MIS18BP1: variants seen among roughly 807,000 people sequenced by gnomAD.
MIS18BP1 encodes mis18-binding protein 1.
In MIS18BP1, 72 loss-of-function variants were observed where a neutral mutation model predicts 116.1. That is an observed-to-expected ratio of 0.62 (90% CI 0.51 to 0.75). MIS18BP1 has a LOEUF of 0.75. Ranked by LOEUF, MIS18BP1 falls within the 30% of genes least tolerant of loss-of-function variation. MIS18BP1 has a pLI of 0.00. For missense variants in MIS18BP1, 1,363 were observed against 1,303.2 expected (o/e 1.05, Z -0.71); for synonymous variants, 386 against 427.0 (o/e 0.90, Z 1.18).
rs1039660031 is a variant in MIS18BP1, at chr14:45,214,589, T to C, written c.3003+2430A>G. On this transcript the variant is annotated intron_variant, in intron 13 of 16. Coordinates refer to ENST00000310806, the MANE Select transcript of MIS18BP1 (RefSeq NM_018353.5). ...GAGTGCCGGTCCCCTGGGCCCACTT[T>C]TGTTTCTCTATACTTTGTCTCTGTG... Among the ~76,000 whole-genome samples, 5 of 152,128 alleles carry C rather than the reference T, an allele frequency of 3.3e-5. No individual in the cohort carries two copies. The East Asian group carries it at 5.8e-4, about 18-fold the overall frequency.
At chr14:45,252,445 C>G (rs1437958080) in intron 1 of MIS18BP1, among the ~76,000 whole-genome samples, 1 of 152,056 alleles carries the variant, frequency 6.6e-6, no homozygotes, top group Non-Finnish European at 1.5e-5. Context: ...TAGAGAAAAA[C>G]TCTGGAAGCG....
In MIS18BP1 at chr14:45,244,811, T is replaced by G. The variant is rs1891681246; in HGVS notation, c.544+1932A>C. Among the ~76,000 whole-genome samples, 8 of 152,340 alleles carry G rather than the reference T, an allele frequency of 5.3e-5. 1 individual carries two copies. In the South Asian group the frequency reaches 1.7e-3, roughly 32 times the overall value. ...TCAAATTATTTGTGAAGTCATAAAA[T>G]AATAATCCACCAACATCTGTGTAAA... On this transcript the variant is annotated intron_variant, in intron 2 of 16. Coordinates refer to ENST00000310806, the MANE Select transcript of MIS18BP1 (RefSeq NM_018353.5).
At chr14:45,210,579 T>C in intron 13 of MIS18BP1, 51 bp from the exon 14 acceptor site, 1 of 1,597,294 alleles carries the variant, frequency 6.3e-7, no homozygotes, top group South Asian at 1.1e-5. Flanking sequence ...AGGTATTTTC[T>C]CATTATCACA....
At position 45,219,723 on chromosome 14, in the gene MIS18BP1, T is replaced by A. The variant is rs112368358; in HGVS notation, c.2670-1269A>T. 7.3e-3 allele frequency among the ~76,000 whole-genome samples: 1,110 copies of A among 152,316 alleles called. 23 individuals are homozygous for A. The highest frequency in any genetic ancestry group is 0.025 in the African/African-American group (1,056 of 41,566). Reference sequence around the variant, plus strand: ...GAGCATTAAATACTTGTTAATGAATTCTTTTACATAATTAATCATTCCACA... The same window carrying A: ...GAGCATTAAATACTTGTTAATGAATACTTTTACATAATTAATCATTCCACA... On this transcript the variant is annotated intron_variant, in intron 11 of 16. Transcript: ENST00000310806.
intron 10 of MIS18BP1, among the ~76,000 whole-genome samples, chr14:45,226,310 G>T (rs1278745209): frequency 6.6e-6 from 1 of 152,132 alleles, no homozygotes; most frequent in Non-Finnish European, 1.5e-5. Flanking sequence ...AAAGCTAATG[G>T]ATTTAGCTCA....
chr14:45,207,123 T>G lies in MIS18BP1; in HGVS notation c.3153-953A>C, dbSNP rs1890539806. 3.3e-5 allele frequency among the ~76,000 whole-genome samples: 5 copies of G among 151,234 alleles called. No homozygotes were observed. The South Asian group carries it at 1.0e-3, about 31-fold the overall frequency. On this transcript the variant is annotated intron_variant, in intron 14 of 16. Coordinates refer to ENST00000310806, the MANE Select transcript of MIS18BP1 (RefSeq NM_018353.5). ...AGAGATTAAAAGCCAAGTAGAATTG[T>G]TGGTTGTTTTTAATTCCCTAAACCC...
intron 6 of MIS18BP1, among the ~76,000 whole-genome samples, chr14:45,234,845 G>C (rs1289184792): frequency 6.6e-6 from 1 of 152,216 alleles, no homozygotes; most frequent in African/African-American, 2.4e-5. Context: ...TCAACAAAGA[G>C]AGGAATCAGG....
At chr14:45,234,720 T>C (rs1451342591) in intron 6 of MIS18BP1, among the ~76,000 whole-genome samples, 1 of 152,194 alleles carries the variant, frequency 6.6e-6, no homozygotes, top group Non-Finnish European at 1.5e-5. Flanking sequence ...AACTTGTTGC[T>C]AGTAAACATA....
At chr14:45,233,426 A>G (rs1253427168) in intron 6 of MIS18BP1, among the ~76,000 whole-genome samples, 1 of 152,162 alleles carries the variant, frequency 6.6e-6, no homozygotes, top group Non-Finnish European at 1.5e-5. Flanking sequence ...GGACAAGATG[A>G]GAAGCTATGG....
intron 10 of MIS18BP1, 58 bp from the exon 11 acceptor site, chr14:45,224,804 A>G (rs1891082036): frequency 8.4e-7 from 1 of 1,189,566 alleles, no homozygotes; most frequent in South Asian, 1.5e-5. Flanking sequence ...ATAAACAAAT[A>G]TAAGCACAGA....
chr14:45,226,778 C>G lies in MIS18BP1; in HGVS notation c.1805G>C (p.Arg602Thr), dbSNP rs1891132865. 1 of 1,411,994 alleles carries G rather than the reference C, an allele frequency of 7.1e-7. No homozygotes were observed. The highest frequency in any genetic ancestry group is 9.4e-7 in the Non-Finnish European group (1 of 1,061,218). The allele number at this position is 1,411,994 out of a possible 1,614,324, so 87.5% of individuals were successfully genotyped here. ...ACTTTTTATTATCCTTTCATTTGTT[C>G]TTTCACCAATTTTTAGTTTCTTTGA... ...MSSKKLKIGE[R>T]TNERIIKSQK... Residue 602 changes from arginine to threonine, a missense_variant, in exon 10 of 17, where the codon AGA becomes ACA. By Grantham distance (71) the Arg-to-Thr change is moderately conservative (BLOSUM62 -1). Transcript: ENST00000310806.
At chr14:45,231,002 A>G in intron 8 of MIS18BP1, 139 bp downstream of exon 8, 1 of 745,610 alleles carries the variant, frequency 1.3e-6, no homozygotes, top group Non-Finnish European at 2.0e-6. Flanking sequence ...GTAGTGAAGA[A>G]GCAGGAATGT....
chr14:45,231,551 CTACT>C (rs531159650), intron 7 of MIS18BP1: 3 of 300,294 alleles, frequency 1.0e-5, no homozygotes, highest in South Asian at 1.1e-4. Flanking sequence ...CTTATAATTC[CTACT>C]TAAACTGATA....
rs753619384 is a variant in MIS18BP1 at position 45,204,460 on chromosome 14, A to AAGAGTTACT, written c.3241-16_3241-8dup. On this transcript the variant is annotated splice_polypyrimidine_tract_variant and splice_region_variant and intron_variant, in intron 15 of 16. Transcript: ENST00000310806. ...TTGAGAAATCAGTTTCAACCTATAA[A>AAGAGTTACT]AGAGTTACTATTAATAGCTAAATGG... The AAGAGTTACT allele has an allele frequency of 1.9e-6, 3 of 1,587,302 alleles. No homozygotes were observed. The South Asian group carries it at 3.5e-5, about 18-fold the overall frequency.
chr14:45,221,760 G>A (rs186496774), intron 11 of MIS18BP1, among the ~76,000 whole-genome samples: 1 of 152,186 alleles, frequency 6.6e-6, no homozygotes, highest in Non-Finnish European at 1.5e-5. Context: ...TCATACGAAT[G>A]ACTGATGGTG....
At chr14:45,239,752 G>A (rs1036966903) in intron 4 of MIS18BP1, among the ~76,000 whole-genome samples, 5 of 152,162 alleles carry the variant, frequency 3.3e-5, no homozygotes, top group Non-Finnish European at 5.9e-5. Flanking sequence ...CTGGAAGCAG[G>A]GAGACCACTA....
chr14:45,207,792 G>A (rs897241104), intron 14 of MIS18BP1, among the ~76,000 whole-genome samples: 13 of 152,300 alleles, frequency 8.5e-5, no homozygotes, highest in African/African-American at 2.6e-4. Flanking sequence ...GTTATGAAAA[G>A]TACGTCAATT....
At chr14:45,220,398 A>T (rs1890940502) in intron 11 of MIS18BP1, among the ~76,000 whole-genome samples, 1 of 152,276 alleles carries the variant, frequency 6.6e-6, no homozygotes, top group African/African-American at 2.4e-5. Flanking sequence ...CCCAAGACTC[A>T]TATCAAAATG....
chr14:45,220,497 T>C (rs1890944040), intron 11 of MIS18BP1, among the ~76,000 whole-genome samples: 2 of 152,194 alleles, frequency 1.3e-5, no homozygotes, highest in Admixed American at 6.5e-5. Context: ...ACATCCCTCT[T>C]GGTACCATCC....
Sources: allele counts gnomAD v4.1 joint callset (sites outside exome capture counted in the v4.1 genomes callset), GRCh38; gene constraint gnomAD v4.1.1; transcripts MANE v1.5; gene names NCBI Gene and HGNC (gene_info 2026-07-23, HGNC 2026-07-21).